Variants in HMCN2 observed in about 807,000 individuals in gnomAD.
HMCN2 encodes hemicentin-2.
In HMCN2, 325 loss-of-function variants were observed where a neutral mutation model predicts 377.5. That is an observed-to-expected ratio of 0.86 (90% CI 0.79 to 0.94). The LOEUF (loss-of-function observed/expected upper bound fraction) is 0.94, where lower values mean the gene tolerates loss of function less well. HMCN2 is among the 40% of genes least tolerant of loss of function. HMCN2 has a pLI of 0.00. For synonymous variants in HMCN2, 2,007 were observed against 2,046.8 expected (o/e 0.98, Z 0.53); for missense variants, 4,543 against 4,725.3 (o/e 0.96, Z 1.13).
intron 34 of HMCN2, among the ~76,000 whole-genome samples, chr9:130,357,059 A>AGGATGGATGGATGGATGGATGGAT (rs201419400): frequency 9.4e-6 from 1 of 106,148 alleles, no homozygotes; most frequent in Admixed American, 9.3e-5. Flanking sequence ...GATAGAAGGG[A>AGGATGGATGGATGGATGGATGGAT]GGATGGATGG....
Position 130,364,800 on chromosome 9 carries a change from C to T in HMCN2, c.6319C>T (p.Pro2107Ser), listed in dbSNP as rs1017356931. Residue 2107 changes from proline (P) to serine (S), a missense_variant, in exon 41 of 98, where the codon CCC becomes TCC. Physicochemically the swap from Pro to Ser is moderately conservative, Grantham distance 74. Around this residue, in one of 5 missense-constraint regions of HMCN2, gnomAD observed 1,032 missense variants for 1,285.1 expected, o/e 0.80. Transcript: ENST00000683500. ...CCTGGAGTGCCAGAGCCACGCCATG[C>T]CCCCTCCTGTGCTGAGCTGGTGGAA... ...VALECQSHAMPPPVLSWWKDG... is the reference protein window; with the variant it reads ...VALECQSHAMSPPVLSWWKDG... 29 of 985,844 alleles carry T rather than the reference C, an allele frequency of 2.9e-5. No homozygotes were observed. In the African/African-American group the frequency reaches 4.4e-4, roughly 15 times the overall value. 61.1% of individuals were successfully genotyped at this position (985,844 alleles called of 1,614,324 possible).
chr9:130,311,936 G>C (rs944457700), intron 15 of HMCN2, among the ~76,000 whole-genome samples: 6 of 152,144 alleles, frequency 3.9e-5, no homozygotes, highest in Admixed American at 2.6e-4. Context: ...TGGGCCATGG[G>C]CTCAGGAGCC....
chr9:130,322,604 C>T (rs1387614198), intron 19 of HMCN2, among the ~76,000 whole-genome samples: 10 of 152,192 alleles, frequency 6.6e-5, no homozygotes, highest in African/African-American at 2.4e-4. Flanking sequence ...CAACCGCATC[C>T]CCCACACCCC....
chr9:130,352,953 G>A lies in HMCN2; in HGVS notation c.4612G>A (p.Glu1538Lys). Residue 1538 changes from glutamate (E) to lysine (K), a missense_variant, in exon 31 of 98, where the codon GAG becomes AAG. By Grantham distance (56) the Glu-to-Lys change is moderately conservative (BLOSUM62 1). This residue lies in a region of HMCN2 where 1,032 missense variants were observed against 1,285.1 expected (regional missense o/e 0.80). Coordinates refer to ENST00000683500, the MANE Select transcript of HMCN2 (RefSeq NM_001291815.2). Reference protein sequence around the residue: ...HAPPTIWGSNETGEVAVMEDH... With the variant: ...HAPPTIWGSNKTGEVAVMEDH... ...GCCCCCCACTATCTGGGGCTCCAACGAGACAGGCGAGGTGGCCGTCATGGA... is the reference window on the plus strand; with the variant it reads ...GCCCCCCACTATCTGGGGCTCCAACAAGACAGGCGAGGTGGCCGTCATGGA... The A allele has an allele frequency of 7.7e-7, 1 of 1,297,012 alleles. No homozygotes were observed. The highest frequency in any genetic ancestry group is 1.0e-6 in the Non-Finnish European group (1 of 984,756). 80.3% of individuals were successfully genotyped at this position (1,297,012 alleles called of 1,614,324 possible).
chr9:130,289,901 C>T (rs968682657), intron 4 of HMCN2, among the ~76,000 whole-genome samples: 12 of 152,196 alleles, frequency 7.9e-5, no homozygotes, highest in African/African-American at 1.7e-4. Flanking sequence ...ATCTGTGCCT[C>T]GGGGGCCCAT....
intron 78 of HMCN2, 58 bp downstream of exon 78, chr9:130,402,954 C>A: frequency 8.1e-7 from 1 of 1,232,814 alleles, no homozygotes; most frequent in Non-Finnish European, 1.1e-6. Flanking sequence ...AGGTGGAGAG[C>A]CAGAGGCAGG....
At chr9:130,267,400 C>CAACA (rs1247319928) in intron 1 of HMCN2, among the ~76,000 whole-genome samples, 30 of 141,924 alleles carry the variant, frequency 2.1e-4, no homozygotes, top group African/African-American at 4.8e-4. Context: ...CTTTATAAAG[C>CAACA]AACAAACAAA....
chr9:130,381,393 TAG>T, intron 54 of HMCN2, among the ~76,000 whole-genome samples: 1 of 151,836 alleles, frequency 6.6e-6, no homozygotes, highest in East Asian at 1.9e-4. Context: ...TTTTCTGAGA[TAG>T]AGTCTCACTC....
rs770267941 is a variant in HMCN2 at position 130,361,073 on chromosome 9, A to T, written c.5950+469A>T. Among the ~76,000 whole-genome samples the T allele has an allele frequency of 6.6e-6, 1 of 152,102 alleles. No individual in the cohort carries two copies. Among genetic ancestry groups the T allele is most frequent in the Non-Finnish European group, 1.5e-5 (1 of 68,032 alleles). On this transcript the variant is annotated intron_variant, in intron 38 of 97. Transcript: ENST00000683500. The surrounding 1 kb of genome is among the most constrained non-coding windows in gnomAD (Gnocchi z 4.8). ...CATTCACCATCCATTCAGTCATTCA[A>T]CTACCCATTCTTTCCTTGATCCATT...
At chr9:130,413,586 AAAG>A (rs558922984) in intron 85 of HMCN2, among the ~76,000 whole-genome samples, 223 of 152,308 alleles carry the variant, frequency 1.5e-3, no homozygotes, top group Admixed American at 4.1e-3. Flanking sequence ...AAAGTAGAGA[AAAG>A]AAGGAGGATA....
chr9:130,410,548 T>G, intron 84 of HMCN2, 23 bp from the exon 85 acceptor site: 2 of 1,548,192 alleles, frequency 1.3e-6, no homozygotes, highest in Non-Finnish European at 1.7e-6. Context: ...GCACCATGCC[T>G]CCTCTCCTGT....
chr9:130,314,440 G>A (rs1243457081), intron 15 of HMCN2, among the ~76,000 whole-genome samples: 1 of 152,234 alleles, frequency 6.6e-6, no homozygotes, highest in East Asian at 1.9e-4. Context: ...TCATGTCTTT[G>A]TGCCAGTGCA....
chr9:130,348,528 C>T lies in HMCN2; in HGVS notation c.4025-17C>T, dbSNP rs1248602107. ...AGGGGGCAGGGAAGCAGCTCCTCGGCTCTCCTTGCCCCCAAGTGCCCCCCA... is the reference window on the plus strand; with the variant it reads ...AGGGGGCAGGGAAGCAGCTCCTCGGTTCTCCTTGCCCCCAAGTGCCCCCCA... On this transcript the variant is annotated splice_polypyrimidine_tract_variant and intron_variant, in intron 26 of 97. Coordinates refer to ENST00000683500, the MANE Select transcript of HMCN2 (RefSeq NM_001291815.2). 2 of 1,302,902 alleles carry T rather than the reference C, an allele frequency of 1.5e-6. No homozygotes were observed. Among genetic ancestry groups the T allele is most frequent in the South Asian group, 1.2e-5 (1 of 80,988 alleles). 80.7% of individuals were successfully genotyped at this position (1,302,902 alleles called of 1,614,324 possible).
rs567474469 is a variant in HMCN2 at position 130,416,020 on chromosome 9, C to T, written c.12962-2752C>T. Among the ~76,000 whole-genome samples, 8 of 152,052 alleles carry T rather than the reference C, an allele frequency of 5.3e-5. No individual in the cohort carries two copies. In the East Asian group the frequency reaches 1.4e-3, roughly 26 times the overall value. ...CCTAATAAAACCACTGTGATGGTCA[C>T]GGTGGGGTAGGGATGGGCACAGCCC... On this transcript the variant is annotated intron_variant, in intron 85 of 97. Coordinates refer to ENST00000683500, the MANE Select transcript of HMCN2 (RefSeq NM_001291815.2).
chr9:130,429,918 T>A (rs1190542911), intron 94 of HMCN2: 5 of 773,418 alleles, frequency 6.5e-6, no homozygotes, highest in Non-Finnish European at 9.8e-6. Flanking sequence ...AACCTCAGCC[T>A]GACCCTGTGG....
At position 130,325,736 on chromosome 9, in the gene HMCN2, A is replaced by C. The variant is rs1215487624; in HGVS notation, c.3033+29A>C. On this transcript the variant is annotated intron_variant, in intron 20 of 97. Coordinates refer to ENST00000683500, the MANE Select transcript of HMCN2 (RefSeq NM_001291815.2). ...AGCAGTGCCTGTTACCGAGAGGATA[A>C]CTGGAGAGGTAGGCCCAGTGTGTCA... 3 of 152,256 alleles carry C rather than the reference A, an allele frequency of 2.0e-5. No homozygotes were observed. The East Asian group carries it at 5.8e-4, about 29-fold the overall frequency. The allele number at this position is 152,256 out of a possible 1,614,324, so 9.4% of individuals were successfully genotyped here. A position where few individuals can be genotyped will look rare whatever the true frequency, so the allele number is the denominator to read the frequency against.
In HMCN2 at chr9:130,369,128, C is replaced by T. The variant is rs1281141262; in HGVS notation, c.6788-442C>T. Among the ~76,000 whole-genome samples the T allele has an allele frequency of 1.3e-5, 2 of 152,154 alleles. No homozygotes were observed. Among genetic ancestry groups the T allele is most frequent in the African/African-American group, 4.8e-5 (2 of 41,422 alleles). On this transcript the variant is annotated intron_variant, in intron 44 of 97. Transcript: ENST00000683500. The surrounding 1 kb of genome is among the most constrained non-coding windows in gnomAD (Gnocchi z 4.5). ...TGAAGCTCCTATATATGATGGAAACCTAAAGCCCTATCTACTGGTCCTGCA... is the reference window on the plus strand; with the variant it reads ...TGAAGCTCCTATATATGATGGAAACTTAAAGCCCTATCTACTGGTCCTGCA...
At chr9:130,290,676 C>G (rs1214884618) in intron 4 of HMCN2, among the ~76,000 whole-genome samples, 1 of 152,170 alleles carries the variant, frequency 6.6e-6, no homozygotes, top group African/African-American at 2.4e-5. Flanking sequence ...GAACCTTGTC[C>G]TCATTCCTTG....
intron 77 of HMCN2, 131 bp downstream of exon 77, chr9:130,401,078 C>T (rs1717623907): frequency 2.6e-6 from 2 of 758,768 alleles, no homozygotes; most frequent in Non-Finnish European, 3.6e-6. Flanking sequence ...GGCTGTGTGA[C>T]CTGGGAGGAC....
Sources: gnomAD v4.1 joint callset for allele counts (sites outside exome capture counted in the v4.1 genomes callset) on GRCh38, gnomAD v4.1.1 for gene constraint, gnomAD v4.1.1 regional missense constraint, Gnocchi (gnomAD v3.1) non-coding constraint, MANE v1.5 for transcripts, NCBI Gene and HGNC (gene_info 2026-07-23, HGNC 2026-07-21) for gene names.